The following DLG2 variants were observed in gnomAD, a reference collection of about 807,000 sequenced individuals.
The protein encoded by DLG2 is discs large MAGUK scaffold protein 2.
In DLG2, 45 loss-of-function variants were observed where a neutral mutation model predicts 132.5. The observed-to-expected ratio is 0.34, with a 90% CI of 0.27 to 0.44. The LOEUF is 0.44. Among genes scored for constraint, DLG2 ranks in the 20% least tolerant of loss-of-function variants. The pLI is 1.00. For synonymous variants in DLG2, 424 were observed against 419.6 expected, an observed-to-expected ratio of 1.01 and a Z score of -0.13; for missense variants, 1,045 against 1,196.9, an observed-to-expected ratio of 0.87 and a Z score of 1.87.
rs573220627 is a variant in DLG2 at position 85,434,450 on chromosome 11, G to C, written c.41-149085C>G. The stretch of plus-strand genomic sequence containing the variant: ...TAACAGACTAATAAAGAAGAAAAGA[G>C]AGAAGAATAAAATAGACACAATAAA... On this transcript the variant is annotated intron_variant, in intron 3 of 27. Transcript: ENST00000376104. Among the ~76,000 whole-genome samples, 11 of 150,348 alleles carry C rather than the reference G, an allele frequency of 7.3e-5. No individual in the cohort carries two copies. The East Asian group carries it at 2.1e-3, about 29-fold the overall frequency.
At chr11:84,539,357 C>T (rs2099362631) in intron 6 of DLG2, among the ~76,000 whole-genome samples, 1 of 152,146 alleles carries the variant, frequency 6.6e-6, no homozygotes. Context: ...AATATTCTTA[C>T]ACCCTGACTA....
chr11:85,580,984 G>C (rs1188852349), intron 3 of DLG2, among the ~76,000 whole-genome samples: 1 of 152,080 alleles, frequency 6.6e-6, no homozygotes, highest in Non-Finnish European at 1.5e-5. Flanking sequence ...GTATCATCTA[G>C]CTCCCTTATC....
intron 7 of DLG2, among the ~76,000 whole-genome samples, chr11:84,405,006 C>T (rs977161458): frequency 2.0e-5 from 3 of 152,002 alleles, no homozygotes; most frequent in Non-Finnish European, 2.9e-5. Context: ...GGAAAAGGGA[C>T]AATGTTGATA....
At chr11:83,514,511 T>C (rs1019687516) in intron 21 of DLG2, among the ~76,000 whole-genome samples, 95 of 152,320 alleles carry the variant, frequency 6.2e-4, no homozygotes, top group African/African-American at 2.1e-3. Context: ...CCTAATTGAA[T>C]ACCCTTTATT....
chr11:84,642,051 T>C (rs1264615734), intron 6 of DLG2, among the ~76,000 whole-genome samples: 1 of 142,456 alleles, frequency 7.0e-6, no homozygotes, highest in Non-Finnish European at 1.5e-5. Context: ...CGTATATATG[T>C]ATATATACGC....
chr11:84,508,033 C>T (rs1170608274), intron 7 of DLG2, among the ~76,000 whole-genome samples: 1 of 152,168 alleles, frequency 6.6e-6, no homozygotes, highest in Non-Finnish European at 1.5e-5. Context: ...ATATAGCAGT[C>T]AAAATAATCC....
chr11:85,245,306 T>A (rs2076079219), intron 4 of DLG2, among the ~76,000 whole-genome samples: 1 of 151,950 alleles, frequency 6.6e-6, no homozygotes, highest in African/African-American at 2.4e-5. Context: ...CTTCCCCACC[T>A]CCAAACTTGC....
intron 6 of DLG2, among the ~76,000 whole-genome samples, chr11:84,742,844 C>G (rs1042993239): frequency 1.2e-4 from 19 of 152,118 alleles, no homozygotes; most frequent in Admixed American, 1.2e-3. Flanking sequence ...ACCCACTGAA[C>G]TTTTTACTGT....
intron 7 of DLG2, among the ~76,000 whole-genome samples, chr11:84,471,800 T>C: frequency 6.6e-6 from 1 of 151,876 alleles, no homozygotes. Flanking sequence ...TAAAACTCTC[T>C]ATCTTCCTCC....
chr11:84,060,529 A>T (rs906937715), intron 10 of DLG2, among the ~76,000 whole-genome samples: 6 of 74,654 alleles, frequency 8.0e-5, no homozygotes, highest in Non-Finnish European at 2.0e-4. Flanking sequence ...TCTACATCAA[A>T]CTTTCCTCTT....
At chr11:83,683,923 G>A (rs2153603318) in intron 18 of DLG2, among the ~76,000 whole-genome samples, 1 of 152,170 alleles carries the variant, frequency 6.6e-6, no homozygotes, top group Middle Eastern at 3.4e-3. Context: ...TGCTGGCCCA[G>A]CTCACTAGCT....
chr11:84,490,198 G>A (rs1334064121), intron 7 of DLG2, among the ~76,000 whole-genome samples: 1 of 152,074 alleles, frequency 6.6e-6, no homozygotes, highest in Non-Finnish European at 1.5e-5. Flanking sequence ...GGAAATAATA[G>A]CAGCTATCTT....
At chr11:84,713,995 C>G (rs547180708) in intron 6 of DLG2, among the ~76,000 whole-genome samples, 2 of 152,130 alleles carry the variant, frequency 1.3e-5, no homozygotes, top group Admixed American at 6.5e-5. Context: ...TACAACTACA[C>G]TTTTAAAATA....
intron 7 of DLG2, among the ~76,000 whole-genome samples, chr11:84,442,810 T>C (rs1461005774): frequency 6.6e-6 from 1 of 152,198 alleles, no homozygotes; most frequent in Non-Finnish European, 1.5e-5. Flanking sequence ...GGTATTTATA[T>C]GATATAAACT....
chr11:84,662,523 C>T (rs2099695504), intron 6 of DLG2, among the ~76,000 whole-genome samples: 1 of 151,162 alleles, frequency 6.6e-6, no homozygotes. Flanking sequence ...GTGGCTCATG[C>T]CTATAATCCC....
chr11:85,566,770 T>C (rs2077552579), intron 3 of DLG2, among the ~76,000 whole-genome samples: 2 of 151,420 alleles, frequency 1.3e-5, no homozygotes, highest in Non-Finnish European at 3.0e-5. Flanking sequence ...AAGATCTACA[T>C]CTATGTTTCC....
chr11:84,266,810 C>T (rs2097644144), intron 7 of DLG2, among the ~76,000 whole-genome samples: 1 of 152,172 alleles, frequency 6.6e-6, no homozygotes, highest in Admixed American at 6.5e-5. Flanking sequence ...GGATCATTTC[C>T]TCATTATCGT....
chr11:85,147,182 A>T (rs1489656959), intron 5 of DLG2, among the ~76,000 whole-genome samples: 2 of 152,126 alleles, frequency 1.3e-5, no homozygotes, highest in Non-Finnish European at 1.5e-5. Context: ...TACTGTGATC[A>T]CTCACCTAAC....
chr11:85,070,975 T>G (rs1169395394), intron 6 of DLG2, among the ~76,000 whole-genome samples: 1 of 151,898 alleles, frequency 6.6e-6, no homozygotes, highest in Non-Finnish European at 1.5e-5. Flanking sequence ...GGAGTCAGTC[T>G]GTCTGAGCTC....
Sources: gnomAD v4.1 joint callset for allele counts (sites outside exome capture counted in the v4.1 genomes callset) on GRCh38, gnomAD v4.1.1 for gene constraint, MANE v1.5 for transcripts, NCBI Gene and HGNC (gene_info 2026-07-23, HGNC 2026-07-21) for gene names.